Variants in GUCY1A2 observed in about 807,000 individuals in gnomAD.
GUCY1A2 encodes the protein guanylate cyclase soluble subunit alpha-2.
A neutral mutation model predicts 63.5 loss-of-function variants in GUCY1A2; 27 were observed. That is an observed-to-expected ratio of 0.43 (90% CI 0.31 to 0.59). The LOEUF is 0.59. Ranked by LOEUF, GUCY1A2 falls within the 20% of genes least tolerant of loss-of-function variation. The probability of loss-of-function intolerance (pLI) is 0.11; values close to 1 mark genes in which losing one functional copy is unlikely to be tolerated. For synonymous variants in GUCY1A2, 364 were observed against 343.5 expected (o/e 1.06, Z -0.66); for missense variants, 768 against 913.3 (o/e 0.84, Z 2.05).
chr11:107,017,525 C>G (rs1437251416), intron 1 of GUCY1A2, among the ~76,000 whole-genome samples: 3 of 152,168 alleles, frequency 2.0e-5, no homozygotes, highest in East Asian at 3.9e-4. Context: ...TCAGGATACC[C>G]CAAAGGAGTG....
intron 4 of GUCY1A2, among the ~76,000 whole-genome samples, chr11:106,835,952 A>C (rs2135439857): frequency 6.6e-6 from 1 of 152,150 alleles, no homozygotes; most frequent in South Asian, 2.1e-4. Context: ...GGTAAATCTA[A>C]GCAAAAATTT....
intron 1 of GUCY1A2, among the ~76,000 whole-genome samples, chr11:107,003,252 G>A (rs542586840): frequency 5.9e-5 from 9 of 152,054 alleles, no homozygotes; most frequent in Non-Finnish European, 1.2e-4. Flanking sequence ...GATTGGCATC[G>A]CTTTTCTAAG....
chr11:106,882,835 A>T (rs988025506), intron 4 of GUCY1A2, among the ~76,000 whole-genome samples: 1 of 152,070 alleles, frequency 6.6e-6, no homozygotes, highest in Non-Finnish European at 1.5e-5. Flanking sequence ...GTCAACTTAC[A>T]TAATAATTAG....
intron 1 of GUCY1A2, among the ~76,000 whole-genome samples, chr11:107,015,439 T>C (rs1205470766): frequency 6.6e-6 from 1 of 151,892 alleles, no homozygotes; most frequent in Non-Finnish European, 1.5e-5. Flanking sequence ...TAGCAGAAAA[T>C]ACTGCATTTC....
At chr11:106,997,332 G>T (rs1178597669) in intron 1 of GUCY1A2, among the ~76,000 whole-genome samples, 2 of 152,138 alleles carry the variant, frequency 1.3e-5, no homozygotes, top group Non-Finnish European at 2.9e-5. Flanking sequence ...AAACTAAGCT[G>T]TTGGCAGTAT....
chr11:106,707,028 TTGTCCAGA>T (rs1005129970), intron 7 of GUCY1A2, among the ~76,000 whole-genome samples: 5 of 152,116 alleles, frequency 3.3e-5, no homozygotes, highest in African/African-American at 1.2e-4. Flanking sequence ...TCCTGAAACT[TTGTCCAGA>T]AGTTGTCTGT....
At position 106,841,467 on chromosome 11, in the gene GUCY1A2, T is replaced by C. The variant is rs76411167; in HGVS notation, c.1207-30989A>G. 7.7e-3 allele frequency among the ~76,000 whole-genome samples: 1,171 copies of C among 151,986 alleles called. 81 individuals carry two copies. In the East Asian group the frequency reaches 0.15, roughly 19 times the overall value. On this transcript the variant is annotated intron_variant, in intron 4 of 7. Transcript: ENST00000526355. The stretch of plus-strand genomic sequence containing the variant: ...AATTTCTGACTCGACTTAAAGACAT[T>C]GCCTGGTATATAGCAGGTGCTTAAT...
At chr11:106,919,061 A>C (rs1445951389) in intron 4 of GUCY1A2, among the ~76,000 whole-genome samples, 2 of 152,142 alleles carry the variant, frequency 1.3e-5, no homozygotes, top group Non-Finnish European at 2.9e-5. Flanking sequence ...ATTTTAGAAG[A>C]CACTAGGTAC....
chr11:106,876,587 C>A (rs1318622847), intron 4 of GUCY1A2, among the ~76,000 whole-genome samples: 2 of 152,028 alleles, frequency 1.3e-5, no homozygotes, highest in Admixed American at 6.6e-5. Context: ...CTATAAATAC[C>A]ATTTTCATAA....
chr11:106,911,230 A>G (rs1231421776), intron 4 of GUCY1A2, among the ~76,000 whole-genome samples: 1 of 152,078 alleles, frequency 6.6e-6, no homozygotes, highest in African/African-American at 2.4e-5. Context: ...AAAAATGTTT[A>G]AAGTTCCCAC....
chr11:106,732,789 G>A (rs1480673882), intron 6 of GUCY1A2, among the ~76,000 whole-genome samples: 1 of 152,054 alleles, frequency 6.6e-6, no homozygotes, highest in Admixed American at 6.6e-5. Context: ...TACACACAAG[G>A]CAAATGGATG....
intron 4 of GUCY1A2, among the ~76,000 whole-genome samples, chr11:106,832,497 G>T (rs1049353017): frequency 6.6e-6 from 1 of 152,080 alleles, no homozygotes; most frequent in South Asian, 2.1e-4. Flanking sequence ...TGTGTCCAGG[G>T]TCTACGGCTC....
At chr11:106,863,257 G>GT (rs1371862140) in intron 4 of GUCY1A2, among the ~76,000 whole-genome samples, 1 of 152,032 alleles carries the variant, frequency 6.6e-6, no homozygotes, top group South Asian at 2.1e-4. Flanking sequence ...TTCTTCTATG[G>GT]TTTTTTGGTT....
chr11:106,966,724 G>A (rs1241474120), intron 3 of GUCY1A2, among the ~76,000 whole-genome samples: 1 of 152,096 alleles, frequency 6.6e-6, no homozygotes, highest in Non-Finnish European at 1.5e-5. Context: ...TGATCATTTA[G>A]AGCTCTGAAT....
intron 4 of GUCY1A2, among the ~76,000 whole-genome samples, chr11:106,896,747 C>G (rs1334678293): frequency 2.0e-5 from 3 of 152,158 alleles, no homozygotes; most frequent in Admixed American, 2.0e-4. Flanking sequence ...AGAGAGCATC[C>G]CTCGCCAGAC....
intron 3 of GUCY1A2, among the ~76,000 whole-genome samples, chr11:106,943,687 T>C (rs1860783020): frequency 6.6e-6 from 1 of 152,198 alleles, no homozygotes; most frequent in Non-Finnish European, 1.5e-5. Context: ...TTCATCTAAG[T>C]ATTTGTTTGG....
chr11:106,833,479 C>A (rs1298400887), intron 4 of GUCY1A2, among the ~76,000 whole-genome samples: 5 of 152,070 alleles, frequency 3.3e-5, no homozygotes, highest in African/African-American at 1.2e-4. Context: ...CAACTTTCAC[C>A]ATTCTTGATT....
intron 7 of GUCY1A2, among the ~76,000 whole-genome samples, chr11:106,694,035 T>A (rs1458174469): frequency 6.6e-6 from 1 of 152,226 alleles, no homozygotes; most frequent in Non-Finnish European, 1.5e-5. Flanking sequence ...GTTTTGTGTG[T>A]AGCAAAATAA....
Position 106,978,612 on chromosome 11 carries a change from A to G in GUCY1A2, c.487+7T>C. 1 of 1,477,050 alleles carries G rather than the reference A, an allele frequency of 6.8e-7. No homozygotes were observed. Among genetic ancestry groups the G allele is most frequent in the Non-Finnish European group, 9.3e-7 (1 of 1,069,566 alleles). The allele number at this position is 1,477,050 out of a possible 1,614,324, so 91.5% of individuals were successfully genotyped here. A position where few individuals can be genotyped will look rare whatever the true frequency, so the allele number is the denominator to read the frequency against. On this transcript the variant is annotated splice_region_variant and intron_variant, in intron 3 of 7. Coordinates refer to ENST00000526355, the MANE Select transcript of GUCY1A2 (RefSeq NM_000855.3). ...CTCATCCATATAAATATATATAGTTAATATACCGAGTATATTAGCAGTACA... is the reference window on the plus strand; with the variant it reads ...CTCATCCATATAAATATATATAGTTGATATACCGAGTATATTAGCAGTACA...
Sources: gnomAD v4.1 joint callset for allele counts (sites outside exome capture counted in the v4.1 genomes callset) on GRCh38, gnomAD v4.1.1 for gene constraint, MANE v1.5 for transcripts, NCBI Gene and HGNC (gene_info 2026-07-23, HGNC 2026-07-21) for gene names.